Variants in ARMC3 observed in about 807,000 individuals in gnomAD.
ARMC3 encodes the protein armadillo repeat containing 3.
ARMC3 carries 74 observed loss-of-function variants against 90.3 expected under a neutral mutation model. That is an observed-to-expected ratio of 0.82 (90% CI 0.68 to 0.99). The LOEUF (loss-of-function observed/expected upper bound fraction) is 0.99. ARMC3 is among the 50% of genes least tolerant of loss of function. The pLI is 0.00. For synonymous variants in ARMC3, 334 were observed against 361.8 expected, an observed-to-expected ratio of 0.92 and a Z score of 0.87; for missense variants, 958 against 1,042.8, an observed-to-expected ratio of 0.92 and a Z score of 1.12.
intron 1 of ARMC3, among the ~76,000 whole-genome samples, chr10:22,930,548 G>A (rs1009333836): frequency 3.3e-5 from 5 of 152,146 alleles, no homozygotes; most frequent in African/African-American, 9.7e-5. Context: ...GCCCTCCAAA[G>A]TCTTAAAAGT....
chr10:22,998,686 AAAAC>A (rs1240174873), intron 11 of ARMC3, among the ~76,000 whole-genome samples: 35 of 152,362 alleles, frequency 2.3e-4, no homozygotes, highest in Admixed American at 2.2e-3. Context: ...AATAATATCT[AAAAC>A]AAACAAATTG....
intron 13 of ARMC3, among the ~76,000 whole-genome samples, chr10:23,005,091 T>G (rs1837522303): frequency 6.6e-6 from 1 of 151,458 alleles, no homozygotes; most frequent in South Asian, 2.1e-4. Flanking sequence ...CGGGTGCCTG[T>G]AGTCCCAGCT....
At chr10:22,950,913 A>G (rs1345544903) in intron 3 of ARMC3, among the ~76,000 whole-genome samples, 1 of 152,178 alleles carries the variant, frequency 6.6e-6, no homozygotes, top group East Asian at 1.9e-4. Context: ...TAAAGGGATC[A>G]GTTAATCAAA....
intron 14 of ARMC3, among the ~76,000 whole-genome samples, chr10:23,007,686 A>G (rs7076903): frequency 0.79 from 113,660 of 143,556 alleles, 46,386 homozygotes; most frequent in Non-Finnish European, 0.9. Context: ...GCAACAGAGC[A>G]AGACTCCGTC....
At chr10:22,968,650 CA>C (rs749971095) in intron 8 of ARMC3, among the ~76,000 whole-genome samples, 161 bp downstream of exon 8, 1 of 152,086 alleles carries the variant, frequency 6.6e-6, no homozygotes, top group Non-Finnish European at 1.5e-5. Flanking sequence ...TACAGGCATG[CA>C]CCACCATGCC....
intron 16 of ARMC3, among the ~76,000 whole-genome samples, chr10:23,013,206 A>C (rs1207949701): frequency 6.6e-6 from 1 of 151,782 alleles, no homozygotes; most frequent in Non-Finnish European, 1.5e-5. Flanking sequence ...GCCACTACAC[A>C]CCTTTTTAAA....
chr10:23,011,385 C>T (rs755827008), intron 16 of ARMC3, among the ~76,000 whole-genome samples: 10 of 152,168 alleles, frequency 6.6e-5, no homozygotes, highest in Non-Finnish European at 1.3e-4. Flanking sequence ...TTTCATAGTG[C>T]TGTTGTAAGC....
At chr10:22,970,362 C>G (rs1053257389) in intron 8 of ARMC3, among the ~76,000 whole-genome samples, 2 of 152,062 alleles carry the variant, frequency 1.3e-5, no homozygotes, top group African/African-American at 4.8e-5. Flanking sequence ...GGCCAATGAC[C>G]AGAAAGCCAC....
intron 2 of ARMC3, 89 bp from the exon 3 acceptor site, chr10:22,946,055 C>A (rs1263499014): frequency 5.3e-6 from 5 of 938,156 alleles, no homozygotes; most frequent in Non-Finnish European, 8.0e-6. Context: ...TGCAAGATTA[C>A]ATTTTCTTTA....
Position 23,038,304 on chromosome 10 carries a change from C to T in ARMC3, c.*825C>T, listed in dbSNP as rs981612155. The T allele has an allele frequency of 1.3e-5, 2 of 152,104 alleles. No homozygotes were observed. The highest frequency in any genetic ancestry group is 4.8e-5 in the African/African-American group (2 of 41,424). The allele number at this position is 152,104 out of a possible 1,614,324, so 9.4% of individuals were successfully genotyped here. ...GAGCACAAAATGGGGAGTAAATTCA[C>T]ATTTCAAATGATAAGACAAAAACTA... On this transcript the variant is annotated 3_prime_UTR_variant, in exon 19 of 19. Transcript: ENST00000298032.
At position 22,994,050 on chromosome 10, in the gene ARMC3, T is replaced by G. The variant is rs966793488; in HGVS notation, c.1176-4098T>G. Among the ~76,000 whole-genome samples the G allele has an allele frequency of 4.6e-5, 7 of 152,344 alleles. No homozygotes were observed. The East Asian group carries it at 1.3e-3, about 29-fold the overall frequency. Reference sequence around the variant, plus strand: ...GTTACTTTTTTCTGATGTAAACATTTATGCCAGAACATCATATTTTTAAAC... The same window carrying G: ...GTTACTTTTTTCTGATGTAAACATTGATGCCAGAACATCATATTTTTAAAC... On this transcript the variant is annotated intron_variant, in intron 10 of 18. Coordinates refer to ENST00000298032, the MANE Select transcript of ARMC3 (RefSeq NM_173081.5).
At chr10:22,963,884 G>GTC (rs1241526045) in intron 7 of ARMC3, among the ~76,000 whole-genome samples, 1,031 of 98,418 alleles carry the variant, frequency 0.01, 6 homozygotes, top group African/African-American at 0.035. Flanking sequence ...GCGAGACTCT[G>GTC]TCTCACACAC....
chr10:22,998,353 C>T lies in ARMC3; in HGVS notation c.1381C>T (p.Leu461Phe), dbSNP rs201845826. The change falls in exon 11 of 19, where the codon CTC (leucine) becomes TTC (phenylalanine). Residue 461 changes from leucine to phenylalanine, a missense_variant. Leu to Phe is a conservative substitution (Grantham distance 22, BLOSUM62 0). Transcript: ENST00000298032. Reference protein sequence around the residue: ...ANTVVQSKAALAVTATACDVE... With the variant: ...ANTVVQSKAAFAVTATACDVE... ...CACAGTCGTGCAGAGCAAAGCTGCTCTCGCTGTCACCGCAACTGCGTGTGA... is the reference window on the plus strand; with the variant it reads ...CACAGTCGTGCAGAGCAAAGCTGCTTTCGCTGTCACCGCAACTGCGTGTGA... 1 of 1,614,046 alleles carries T rather than the reference C, an allele frequency of 6.2e-7. No homozygotes were observed. Among genetic ancestry groups the T allele is most frequent in the Non-Finnish European group, 8.5e-7 (1 of 1,179,992 alleles).
At chr10:23,020,486 T>C (rs1243599711) in intron 16 of ARMC3, among the ~76,000 whole-genome samples, 1 of 152,222 alleles carries the variant, frequency 6.6e-6, no homozygotes, top group African/African-American at 2.4e-5. Context: ...CTGGGTCATA[T>C]GGTAACTGTA....
chr10:23,008,908 C>T lies in ARMC3; in HGVS notation c.2022C>T (p.Ser674=), dbSNP rs374503216. ...GACGAAATACTGTTCTCAGCAAAAG[C>T]GCCACCAAAGAAAAAGGATGGAGGT... ...ASGRNTVLSK[S]ATKEKGWRKS... Residue 674 remains serine, a synonymous_variant, in exon 16 of 19, where the codon AGC becomes AGT. Transcript: ENST00000298032. 1.9e-5 allele frequency: 30 copies of T among 1,613,122 alleles called. No individual in the cohort carries two copies. The highest frequency in any genetic ancestry group is 2.2e-5 in the South Asian group (2 of 90,932).
At chr10:22,969,144 G>C (rs1369698377) in intron 8 of ARMC3, among the ~76,000 whole-genome samples, 2 of 152,142 alleles carry the variant, frequency 1.3e-5, no homozygotes, top group African/African-American at 4.8e-5. Flanking sequence ...TAATTTTCAA[G>C]TTTCAGCTGG....
chr10:22,988,343 C>T (rs530325299), intron 10 of ARMC3, among the ~76,000 whole-genome samples: 1 of 152,246 alleles, frequency 6.6e-6, no homozygotes, highest in Non-Finnish European at 1.5e-5. Flanking sequence ...GCTGCATTTA[C>T]TCACAGTGAC....
At chr10:22,993,035 A>C (rs1453362509) in intron 10 of ARMC3, among the ~76,000 whole-genome samples, 1 of 152,196 alleles carries the variant, frequency 6.6e-6, no homozygotes, top group African/African-American at 2.4e-5. Flanking sequence ...GGTTGTAATC[A>C]CTGTTAACAA....
At chr10:22,953,897 G>A (rs1834823918) in intron 3 of ARMC3, among the ~76,000 whole-genome samples, 1 of 152,160 alleles carries the variant, frequency 6.6e-6, no homozygotes, top group Non-Finnish European at 1.5e-5. Flanking sequence ...CAGTTTGCCT[G>A]GGTCATATGG....
Sources: allele counts gnomAD v4.1 joint callset (sites outside exome capture counted in the v4.1 genomes callset), GRCh38; gene constraint gnomAD v4.1.1; transcripts MANE v1.5; gene names NCBI Gene and HGNC (gene_info 2026-07-23, HGNC 2026-07-21).